LRRC8C: variants seen among roughly 807,000 people sequenced by gnomAD.
The protein encoded by LRRC8C is leucine rich repeat containing 8 VRAC subunit C.
A neutral mutation model predicts 55.3 loss-of-function variants in LRRC8C; 20 were observed. That is an observed-to-expected ratio of 0.36 (90% CI 0.25 to 0.53). The LOEUF (loss-of-function observed/expected upper bound fraction) is 0.53. Ranked by LOEUF, LRRC8C falls within the 20% of genes least tolerant of loss-of-function variation. The pLI is 0.92. For synonymous variants in LRRC8C, 376 were observed against 360.7 expected, an observed-to-expected ratio of 1.04 and a Z score of -0.48; for missense variants, 659 against 951.4, an observed-to-expected ratio of 0.69 and a Z score of 4.04.
At chr1:89,640,706 A>C (rs556299283) in intron 1 of LRRC8C, among the ~76,000 whole-genome samples, 5 of 152,200 alleles carry the variant, frequency 3.3e-5, no homozygotes, top group Non-Finnish European at 5.9e-5. Flanking sequence ...GTGATTATCA[A>C]CTGAGGAAGT....
rs1409093501 is a variant in LRRC8C at position 89,716,289 on chromosome 1, C to T, written c.*1307C>T. ...ATCCTCAGATTTTGGTGTTCGAGGG[C>T]ATCCTGGAATCAATTCCCCATGATA... On this transcript the variant is annotated 3_prime_UTR_variant, in exon 3 of 3. Coordinates refer to ENST00000370454, the MANE Select transcript of LRRC8C (RefSeq NM_032270.5). 1 of 152,168 alleles carries T rather than the reference C, an allele frequency of 6.6e-6. No individual in the cohort carries two copies. Among genetic ancestry groups the T allele is most frequent in the Non-Finnish European group, 1.5e-5 (1 of 68,022 alleles). The allele number at this position is 152,168 out of a possible 1,614,324, so 9.4% of individuals were successfully genotyped here.
intron 1 of LRRC8C, among the ~76,000 whole-genome samples, chr1:89,666,793 C>T (rs1414367710): frequency 6.6e-6 from 1 of 152,108 alleles, no homozygotes; most frequent in African/African-American, 2.4e-5. Context: ...TTATTGAGTA[C>T]CTTTTATGTG....
chr1:89,625,554 A>T, the LRRC8C span, among the ~76,000 whole-genome samples: 3 of 152,222 alleles, frequency 2.0e-5, no homozygotes, highest in African/African-American at 7.2e-5. Context: ...AAAATGCTAA[A>T]AAAAAATGCA....
chr1:89,693,646 CTTTTTTTTTTTTT>C lies in LRRC8C; in HGVS notation c.138+7052_138+7064del, dbSNP rs35427989. On this transcript the variant is annotated intron_variant, in intron 2 of 2. Coordinates refer to ENST00000370454, the MANE Select transcript of LRRC8C (RefSeq NM_032270.5). ...GTTCCTTTTCTTTTATCTTTTCTTC[CTTTTTTTTTTTTT>C]TTTTTTTTTTTTTTTTGAGACAGAG... is the stretch of plus-strand genomic sequence containing the variant. Among the ~76,000 whole-genome samples, 2 of 82,702 alleles carry C rather than the reference CTTTTTTTTTTTTT, an allele frequency of 2.4e-5. 1 individual carries two copies. Among genetic ancestry groups the C allele is most frequent in the Non-Finnish European group, 4.6e-5 (2 of 43,080 alleles). The allele number at this position is 82,702 out of a possible 152,430, so 54.3% of individuals were successfully genotyped here.
At chr1:89,655,465 A>G (rs2101202903) in intron 1 of LRRC8C, among the ~76,000 whole-genome samples, 1 of 152,276 alleles carries the variant, frequency 6.6e-6, no homozygotes, top group African/African-American at 2.4e-5. Context: ...CTGATGATCT[A>G]TATCTGTGTC....
At chr1:89,674,237 C>T (rs12119160) in intron 1 of LRRC8C, among the ~76,000 whole-genome samples, 1 of 152,048 alleles carries the variant, frequency 6.6e-6, no homozygotes. Flanking sequence ...TATAGATGTT[C>T]GGCACAATGT....
chr1:89,628,372 A>T (rs989379379), upstream of LRRC8C, among the ~76,000 whole-genome samples: 2 of 152,128 alleles, frequency 1.3e-5, no homozygotes, highest in Non-Finnish European at 2.9e-5. Context: ...CCCAAGATAT[A>T]GGGGCAACTA....
At chr1:89,691,991 T>A (rs563746685) in intron 2 of LRRC8C, among the ~76,000 whole-genome samples, 1 of 152,230 alleles carries the variant, frequency 6.6e-6, no homozygotes, top group East Asian at 1.9e-4. Context: ...CAAGAAAGAA[T>A]GCATGGTACA....
intron 1 of LRRC8C, among the ~76,000 whole-genome samples, chr1:89,644,206 G>A (rs911871405): frequency 3.3e-5 from 5 of 152,214 alleles, no homozygotes; most frequent in African/African-American, 9.6e-5. Context: ...ACAAGGTCTC[G>A]CTCTATTGCC....
chr1:89,699,289 G>T (rs1210589731), intron 2 of LRRC8C, among the ~76,000 whole-genome samples: 1 of 152,186 alleles, frequency 6.6e-6, no homozygotes, highest in East Asian at 1.9e-4. Flanking sequence ...TGACTCTGTA[G>T]GATATTACAG....
chr1:89,702,509 C>G, intron 2 of LRRC8C, among the ~76,000 whole-genome samples: 1 of 151,972 alleles, frequency 6.6e-6, no homozygotes, highest in South Asian at 2.1e-4. Flanking sequence ...CCGAGGCAGG[C>G]GGATCACTTG....
the LRRC8C span, among the ~76,000 whole-genome samples, chr1:89,624,666 G>A: frequency 6.6e-6 from 1 of 152,214 alleles, no homozygotes; most frequent in African/African-American, 2.4e-5. Context: ...CATTAAATGA[G>A]TTATAGAGCC....
chr1:89,685,362 G>A (rs906359426), intron 1 of LRRC8C, among the ~76,000 whole-genome samples: 4 of 150,664 alleles, frequency 2.7e-5, no homozygotes, highest in Non-Finnish European at 2.9e-5. Context: ...TGATCCACCC[G>A]CCTCGGCCTC....
rs58927345 is a variant in LRRC8C at position 89,667,241 on chromosome 1, C to A, written c.-4-19229C>A. 6.0e-3 allele frequency among the ~76,000 whole-genome samples: 914 copies of A among 152,224 alleles called. 7 individuals carry two copies. Among genetic ancestry groups the A allele is most frequent in the African/African-American group, 0.021 (886 of 41,536 alleles). On this transcript the variant is annotated intron_variant, in intron 1 of 2. Coordinates refer to ENST00000370454, the MANE Select transcript of LRRC8C (RefSeq NM_032270.5). ...CCTAATGACTCCCAAACTTCTATCT[C>A]TATCCCAGATCTTTCCTATCTCTAG...
In LRRC8C at chr1:89,713,972, A is replaced by C. The variant is rs1383062679; in HGVS notation, c.1402A>C (p.Asn468His). The C allele has an allele frequency of 6.2e-7, 1 of 1,613,494 alleles. No homozygotes were observed. Among genetic ancestry groups the C allele is most frequent in the East Asian group, 2.2e-5 (1 of 44,886 alleles). ...MIPATIAQLD[N>H]LQELSLHQCS... The stretch of plus-strand genomic sequence containing the variant: ...ACCAGCCACCATTGCACAGCTAGAC[A>C]ATCTTCAAGAGCTCTCTCTGCACCA... Residue 468 changes from asparagine to histidine, a missense_variant, in exon 3 of 3, where the codon AAT becomes CAT. By Grantham distance (68) the Asn-to-His change is moderately conservative (BLOSUM62 1). This residue lies in a region of LRRC8C where 344 missense variants were observed against 464.6 expected (regional missense o/e 0.74). Coordinates refer to ENST00000370454, the MANE Select transcript of LRRC8C (RefSeq NM_032270.5). The surrounding 1 kb of genome is among the most constrained non-coding windows in gnomAD (Gnocchi z 5.2).
At chr1:89,659,931 C>A (rs1026612506) in intron 1 of LRRC8C, among the ~76,000 whole-genome samples, 5 of 152,088 alleles carry the variant, frequency 3.3e-5, no homozygotes, top group African/African-American at 1.2e-4. Context: ...ATATAAATAA[C>A]CCAGGGGAGT....
chr1:89,702,667 TG>T (rs1658365627), intron 2 of LRRC8C, among the ~76,000 whole-genome samples: 1 of 151,568 alleles, frequency 6.6e-6, no homozygotes, highest in South Asian at 2.1e-4. Context: ...CAGGCTGAGG[TG>T]GGAGGATCAC....
At chr1:89,702,326 A>G (rs1282413421) in intron 2 of LRRC8C, among the ~76,000 whole-genome samples, 1 of 152,246 alleles carries the variant, frequency 6.6e-6, no homozygotes, top group Non-Finnish European at 1.5e-5. Flanking sequence ...AAGACTATTA[A>G]CAAAATTAAC....
rs1206550060 is a variant in LRRC8C, at chr1:89,668,897, A to AT, written c.-4-17566dup. The stretch of plus-strand genomic sequence containing the variant: ...TTTTATTTCCTATTTAACCAACACA[A>AT]TTTTTTTGTTTCTTCTGTTTTTATA... On this transcript the variant is annotated intron_variant, in intron 1 of 2. Transcript: ENST00000370454. Among the ~76,000 whole-genome samples the AT allele has an allele frequency of 2.0e-5, 3 of 152,290 alleles. No individual in the cohort carries two copies. In the East Asian group the frequency reaches 5.8e-4, roughly 29 times the overall value.
Sources: allele counts gnomAD v4.1 joint callset (sites outside exome capture counted in the v4.1 genomes callset), GRCh38; gene constraint gnomAD v4.1.1; regional missense constraint gnomAD v4.1.1; non-coding constraint Gnocchi (gnomAD v3.1); transcripts MANE v1.5; gene names NCBI Gene and HGNC (gene_info 2026-07-23, HGNC 2026-07-21).